The following RANGAP1 variants were observed in gnomAD, a reference collection of about 807,000 sequenced individuals.
The protein encoded by RANGAP1 is ran GTPase-activating protein 1.
RANGAP1 carries 38 observed loss-of-function variants against 63.5 expected under a neutral mutation model. That is an observed-to-expected ratio of 0.60 (90% CI 0.46 to 0.78). The LOEUF is 0.78. Among genes scored for constraint, RANGAP1 ranks in the 30% least tolerant of loss-of-function variants. RANGAP1 has a pLI of 0.00. For synonymous variants in RANGAP1, 329 were observed against 310.5 expected, an observed-to-expected ratio of 1.06 and a Z score of -0.63; for missense variants, 630 against 740.3, an observed-to-expected ratio of 0.85 and a Z score of 1.73.
chr22:41,249,477 G>A, intron 14 of RANGAP1, 26 bp from the exon 15 acceptor site: 1 of 1,591,716 alleles, frequency 6.3e-7, no homozygotes, highest in South Asian at 1.1e-5. Flanking sequence ...CGAAAAGCGG[G>A]GTGAGCTTCA....
chr22:41,254,814 T>C (rs1389258329), intron 10 of RANGAP1: 17 of 233,770 alleles, frequency 7.3e-5, no homozygotes, highest in Admixed American at 2.0e-4. Context: ...CTACTAAAAA[T>C]ACAAAAAATT....
At chr22:41,302,212 C>T in the RANGAP1 span, among the ~76,000 whole-genome samples, 1 of 151,912 alleles carries the variant, frequency 6.6e-6, no homozygotes, top group Non-Finnish European at 1.5e-5. This position sits in a 1 kb window ranked among gnomAD's most constrained non-coding sequence, Gnocchi z 5.7. Context: ...CTGGCAGGGC[C>T]CCCCTTCCTT....
chr22:41,254,991 A>AC (rs1344024339), intron 10 of RANGAP1, among the ~76,000 whole-genome samples: 1 of 151,722 alleles, frequency 6.6e-6, no homozygotes, highest in Non-Finnish European at 1.5e-5. Context: ...AACAAAAAAA[A>AC]AAAACAAAAA....
rs369873915 is a variant in RANGAP1 at position 41,261,600 on chromosome 22, G to A, written c.481-20C>T. 3 of 1,613,956 alleles carry A rather than the reference G, an allele frequency of 1.9e-6. No individual in the cohort carries two copies. The African/African-American group carries it at 4.0e-5, about 22-fold the overall frequency. On this transcript the variant is annotated intron_variant, in intron 5 of 15. Coordinates refer to ENST00000356244, the MANE Select transcript of RANGAP1 (RefSeq NM_002883.4). ...CAGGATCTGTGGGGAAAGGCAAGGGGCCCTGGTCATGGGCAGGAGCCCCTT... is the reference window on the plus strand; with the variant it reads ...CAGGATCTGTGGGGAAAGGCAAGGGACCCTGGTCATGGGCAGGAGCCCCTT...
upstream of RANGAP1, among the ~76,000 whole-genome samples, chr22:41,287,848 T>C (rs1167583699): frequency 1.3e-5 from 2 of 151,810 alleles, no homozygotes; most frequent in Non-Finnish European, 2.9e-5. Flanking sequence ...TAGCTGGGCA[T>C]GGTGACGCAT....
At chr22:41,249,642 G>A in intron 14 of RANGAP1, 87 bp downstream of exon 14, 1 of 1,539,302 alleles carries the variant, frequency 6.5e-7, no homozygotes, top group Non-Finnish European at 9.0e-7. Context: ...GACTCGAGGT[G>A]AGGGAGGTTG....
At chr22:41,265,814 C>A (rs2034433549) in intron 4 of RANGAP1, among the ~76,000 whole-genome samples, 1 of 152,166 alleles carries the variant, frequency 6.6e-6, no homozygotes. Flanking sequence ...CTCACCCTGG[C>A]CACAGATATG....
At chr22:41,285,718 A>T (rs992724297) in intron 1 of RANGAP1, 34 of 979,022 alleles carry the variant, frequency 3.5e-5, no homozygotes, top group Non-Finnish European at 4.1e-5. Context: ...CAACAATGCT[A>T]ATATGAGACG....
chr22:41,284,658 G>C (rs1448974457), intron 1 of RANGAP1, among the ~76,000 whole-genome samples: 2 of 152,100 alleles, frequency 1.3e-5, no homozygotes, highest in Non-Finnish European at 2.9e-5. Context: ...GATCGATTGA[G>C]CACAGGAGTT....
chr22:41,256,512 A>ACT (rs1412028144), intron 8 of RANGAP1, among the ~76,000 whole-genome samples, 199 bp downstream of exon 8: 1 of 151,924 alleles, frequency 6.6e-6, no homozygotes, highest in African/African-American at 2.4e-5. Context: ...GATGTACACC[A>ACT]CTCCCTGCCT....
At chr22:41,255,362 C>A (rs1220451507) in intron 10 of RANGAP1, among the ~76,000 whole-genome samples, 1 of 152,128 alleles carries the variant, frequency 6.6e-6, no homozygotes, top group Non-Finnish European at 1.5e-5. Context: ...ATGCGAGGGG[C>A]ACAGGGAGCC....
At chr22:41,300,967 T>C in the RANGAP1 span, among the ~76,000 whole-genome samples, 1 of 152,200 alleles carries the variant, frequency 6.6e-6, no homozygotes, top group Non-Finnish European at 1.5e-5. Flanking sequence ...CAGTTGCCCA[T>C]GCTGATTTCT....
At chr22:41,279,189 G>A (rs374862210) in intron 2 of RANGAP1, among the ~76,000 whole-genome samples, 2 of 151,518 alleles carry the variant, frequency 1.3e-5, no homozygotes, top group Admixed American at 6.6e-5. Flanking sequence ...ATAGGCTGAA[G>A]GCCAGACACA....
chr22:41,280,002 G>A (rs1004720456), intron 2 of RANGAP1, among the ~76,000 whole-genome samples: 5 of 152,104 alleles, frequency 3.3e-5, no homozygotes, highest in African/African-American at 1.2e-4. Context: ...GGAGGCTGAG[G>A]CAGGAGAACT....
chr22:41,283,433 C>T (rs2035598755), intron 1 of RANGAP1, among the ~76,000 whole-genome samples: 1 of 152,020 alleles, frequency 6.6e-6, no homozygotes, highest in South Asian at 2.1e-4. Context: ...TGCTTGAACC[C>T]GGGAGGCGGA....
intron 5 of RANGAP1, among the ~76,000 whole-genome samples, chr22:41,263,811 C>A (rs556045795): frequency 4.6e-5 from 7 of 152,376 alleles, no homozygotes. Context: ...GGGACACAGG[C>A]ACCCTCTGCA....
the RANGAP1 span, among the ~76,000 whole-genome samples, chr22:41,294,985 C>T: frequency 9.4e-6 from 1 of 106,770 alleles, no homozygotes; most frequent in East Asian, 3.3e-4. Flanking sequence ...GGTGGGGGAT[C>T]AGCCCCCAGC....
At chr22:41,277,268 C>G (rs976197248) in intron 2 of RANGAP1, among the ~76,000 whole-genome samples, 2 of 151,510 alleles carry the variant, frequency 1.3e-5, no homozygotes, top group African/African-American at 2.4e-5. Context: ...TTAGTAGAGA[C>G]GGGGTTTCAC....
chr22:41,268,434 T>C (rs976703843), intron 3 of RANGAP1, among the ~76,000 whole-genome samples: 2 of 152,116 alleles, frequency 1.3e-5, no homozygotes, highest in South Asian at 2.1e-4. Flanking sequence ...TTTGTATTTT[T>C]AGTAGAGACA....
Sources: allele counts gnomAD v4.1 joint callset (sites outside exome capture counted in the v4.1 genomes callset), GRCh38; gene constraint gnomAD v4.1.1; non-coding constraint Gnocchi (gnomAD v3.1); transcripts MANE v1.5; gene names NCBI Gene and HGNC (gene_info 2026-07-23, HGNC 2026-07-21).